OSBP2: variants seen among roughly 807,000 people sequenced by gnomAD.
OSBP2 encodes the protein oxysterol binding protein 2.
OSBP2 carries 66 observed loss-of-function variants against 96.0 expected under a neutral mutation model. The ratio of observed to expected loss-of-function variants is 0.69; its 90% confidence interval spans 0.56 to 0.84. The LOEUF (loss-of-function observed/expected upper bound fraction) is 0.84, where lower values mean the gene tolerates loss of function less well. Among genes scored for constraint, OSBP2 ranks in the 40% least tolerant of loss-of-function variants. The probability of loss-of-function intolerance (pLI) is 0.00; values close to 1 mark genes in which losing one functional copy is unlikely to be tolerated. For missense variants in OSBP2, 1,038 were observed against 1,222.7 expected (o/e 0.85, Z 2.25); for synonymous variants, 525 against 520.9 (o/e 1.01, Z -0.11).
intron 2 of OSBP2, among the ~76,000 whole-genome samples, chr22:30,800,962 C>T (rs926252770): frequency 6.6e-6 from 1 of 152,098 alleles, no homozygotes; most frequent in Non-Finnish European, 1.5e-5. Flanking sequence ...CTGGGTTCCT[C>T]GCTCGTCTTC....
At chr22:30,704,925 A>G (rs532396270) in intron 1 of OSBP2, among the ~76,000 whole-genome samples, 2 of 152,178 alleles carry the variant, frequency 1.3e-5, no homozygotes, top group South Asian at 4.2e-4. Flanking sequence ...TGCTGTGTGA[A>G]CTCTTTTCTG....
rs1019760524 is a variant in OSBP2 at position 30,890,675 on chromosome 22, C to A, written c.1624-53C>A. 3 of 1,595,912 alleles carry A rather than the reference C, an allele frequency of 1.9e-6. No homozygotes were observed. Among genetic ancestry groups the A allele is most frequent in the African/African-American group, 2.7e-5 (2 of 74,734 alleles). Reference sequence around the variant, plus strand: ...GAACATCCGAGAAAAGCAAGGGCACCATGCCAAGCCGGGGCTGGTGCCCAG... The same window carrying A: ...GAACATCCGAGAAAAGCAAGGGCACAATGCCAAGCCGGGGCTGGTGCCCAG... On this transcript the variant is annotated intron_variant, in intron 7 of 13. Coordinates refer to ENST00000332585, the MANE Select transcript of OSBP2 (RefSeq NM_030758.4). The surrounding 1 kb of genome is among the most constrained non-coding windows in gnomAD (Gnocchi z 4.4).
At chr22:30,799,107 TC>T (rs1437343616) in intron 2 of OSBP2, among the ~76,000 whole-genome samples, 1 of 149,874 alleles carries the variant, frequency 6.7e-6, no homozygotes, top group African/African-American at 2.5e-5. Flanking sequence ...CTTCCTTCCT[TC>T]CTTCCTTTCT....
At chr22:30,872,456 T>C (rs1176721328) in intron 3 of OSBP2, 1 of 444,412 alleles carries the variant, frequency 2.3e-6, no homozygotes, top group Non-Finnish European at 4.5e-6. Context: ...CATCAGAGGC[T>C]CATCTGTGTT....
At chr22:30,812,454 T>C (rs1043059986) in intron 2 of OSBP2, among the ~76,000 whole-genome samples, 1 of 152,226 alleles carries the variant, frequency 6.6e-6, no homozygotes, top group African/African-American at 2.4e-5. Flanking sequence ...GCTTGAGCCA[T>C]CACGCCTGGC....
chr22:30,768,521 AT>A (rs2090306559), intron 2 of OSBP2, among the ~76,000 whole-genome samples: 1 of 152,008 alleles, frequency 6.6e-6, no homozygotes, highest in Non-Finnish European at 1.5e-5. Flanking sequence ...TACTAAAACT[AT>A]AAAAGTTATC....
chr22:30,731,376 T>C (rs753727656), intron 1 of OSBP2, among the ~76,000 whole-genome samples: 3 of 152,028 alleles, frequency 2.0e-5, no homozygotes, highest in Non-Finnish European at 4.4e-5. Flanking sequence ...ACATGGACTT[T>C]TCCAGAACTT....
intron 3 of OSBP2, among the ~76,000 whole-genome samples, chr22:30,876,818 G>C (rs2039591154): frequency 6.6e-6 from 1 of 152,166 alleles, no homozygotes; most frequent in African/African-American, 2.4e-5. Context: ...AGGGGCTCAG[G>C]ATCCCAGCTG....
chr22:30,881,947 C>T lies in OSBP2; in HGVS notation c.1108-5479C>T, dbSNP rs533317392. On this transcript the variant is annotated intron_variant, in intron 3 of 13. Transcript: ENST00000332585. The surrounding 1 kb of genome is among the most constrained non-coding windows in gnomAD (Gnocchi z 4.5). The stretch of plus-strand genomic sequence containing the variant: ...GGGCACAGCAGTTTTCACCCTGCCC[C>T]GCTTTTAGGTGACTGTGACACTCTA... 59 of 637,754 alleles carry T rather than the reference C, an allele frequency of 9.3e-5. No individual in the cohort carries two copies. Among genetic ancestry groups the T allele is most frequent in the Non-Finnish European group, 1.2e-4 (51 of 420,758 alleles). The allele number at this position is 637,754 out of a possible 1,614,324, so 39.5% of individuals were successfully genotyped here.
At chr22:30,715,362 C>G (rs1223882184) in intron 1 of OSBP2, among the ~76,000 whole-genome samples, 1 of 113,302 alleles carries the variant, frequency 8.8e-6, no homozygotes, top group Non-Finnish European at 2.0e-5. Flanking sequence ...GAGCATCTCT[C>G]TCTCTCTTTT....
intron 3 of OSBP2, among the ~76,000 whole-genome samples, chr22:30,884,784 C>T (rs1382958783): frequency 2.0e-5 from 3 of 152,180 alleles, no homozygotes; most frequent in African/African-American, 7.2e-5. Flanking sequence ...CCTCAGGACA[C>T]CCCCGTCTCG....
intron 2 of OSBP2, among the ~76,000 whole-genome samples, chr22:30,790,175 G>A (rs1316427646): frequency 2.0e-5 from 3 of 152,048 alleles, no homozygotes; most frequent in South Asian, 2.1e-4. Flanking sequence ...GACGCACAGG[G>A]CTTATTCTTT....
intron 2 of OSBP2, among the ~76,000 whole-genome samples, chr22:30,776,992 C>T (rs565792580): frequency 2.0e-5 from 3 of 152,282 alleles, no homozygotes; most frequent in South Asian, 2.1e-4. Context: ...GCCAATTTCT[C>T]CCATTTGGAA....
chr22:30,715,553 A>AT (rs36019275), intron 1 of OSBP2, among the ~76,000 whole-genome samples: 24,662 of 142,822 alleles, frequency 0.17, 2,632 homozygotes, highest in South Asian at 0.42. Context: ...TAATTTTTAG[A>AT]TTTTTTTTTT....
chr22:30,890,927 AG>A lies in OSBP2; in HGVS notation c.1824del (p.Glu608AspfsTer17). 6.2e-7 allele frequency: 1 copy of A among 1,612,240 alleles called. No individual in the cohort carries two copies. Among genetic ancestry groups the A allele is most frequent in the Non-Finnish European group, 8.5e-7 (1 of 1,180,008 alleles). On this transcript the variant is annotated frameshift_variant, in exon 8 of 14. Coordinates refer to ENST00000332585, the MANE Select transcript of OSBP2 (RefSeq NM_030758.4). LOFTEE classifies it high-confidence loss of function. This position sits in a 1 kb window ranked among gnomAD's most constrained non-coding sequence, Gnocchi z 4.4. ...AACCCCATGCTGGGGGAGACCTTCG[AG>A]CTGGACCGCCTCGACGACATGGGCC... ...PFNPMLGETF[E>X]LDRLDDMGLR...
chr22:30,810,525 A>G (rs1252607810), intron 2 of OSBP2, among the ~76,000 whole-genome samples: 2 of 152,150 alleles, frequency 1.3e-5, no homozygotes, highest in East Asian at 3.9e-4. Flanking sequence ...AGCCACAGCC[A>G]TTAATCTCAA....
At chr22:30,863,640 A>T (rs535795059) in intron 2 of OSBP2, among the ~76,000 whole-genome samples, 13 of 152,112 alleles carry the variant, frequency 8.5e-5, no homozygotes, top group Non-Finnish European at 1.5e-4. Flanking sequence ...GGGCTCGGGG[A>T]CTAGGCCTTG....
chr22:30,905,931 C>T lies in OSBP2; in HGVS notation c.2470C>T (p.Pro824Ser). The T allele has an allele frequency of 6.2e-7, 1 of 1,612,858 alleles. No individual in the cohort carries two copies. The highest frequency in any genetic ancestry group is 8.5e-7 in the Non-Finnish European group (1 of 1,179,598). ...GVAPTDSRLRPDQRLMEKGRW... is the reference protein window; with the variant it reads ...GVAPTDSRLRSDQRLMEKGRW... ...AGCGCCAACCGACAGCCGCCTGCGG[C>T]CCGACCAGCGGCTGATGGAGAAGGG... The change falls in exon 13 of 14, where the codon CCC (proline) becomes TCC (serine). Residue 824 changes from proline (P) to serine (S), a missense_variant. This residue lies in a region of OSBP2 where 737 missense variants were observed against 913.3 expected (regional missense o/e 0.81). Transcript: ENST00000332585.
At chr22:30,868,425 G>A (rs1436550900) in intron 2 of OSBP2, among the ~76,000 whole-genome samples, 2 of 152,252 alleles carry the variant, frequency 1.3e-5, no homozygotes, top group African/African-American at 2.4e-5. Flanking sequence ...GCCTCCAGAC[G>A]TCTGGGGGCC....
Sources: allele counts gnomAD v4.1 joint callset (sites outside exome capture counted in the v4.1 genomes callset), GRCh38; gene constraint gnomAD v4.1.1; regional missense constraint gnomAD v4.1.1; non-coding constraint Gnocchi (gnomAD v3.1); transcripts MANE v1.5; gene names NCBI Gene and HGNC (gene_info 2026-07-23, HGNC 2026-07-21).